The following DNM3 variants were observed in gnomAD, a reference collection of about 807,000 sequenced individuals.
DNM3 encodes the protein dynamin-3.
DNM3 carries 47 observed loss-of-function variants against 101.6 expected under a neutral mutation model. The ratio of observed to expected loss-of-function variants is 0.46; its 90% CI spans 0.37 to 0.59. DNM3 has a LOEUF of 0.59. Among genes scored for constraint, DNM3 ranks in the 20% least tolerant of loss-of-function variants. DNM3 has a pLI of 0.00. For synonymous variants in DNM3, 385 were observed against 387.9 expected (o/e 0.99, Z 0.09); for missense variants, 849 against 1,085.7 (o/e 0.78, Z 3.06).
intron 13 of DNM3, among the ~76,000 whole-genome samples, chr1:172,094,033 A>T (rs2054088917): frequency 6.6e-6 from 1 of 152,170 alleles, no homozygotes; most frequent in South Asian, 2.1e-4. Flanking sequence ...AAATAATTAA[A>T]ATCATTAATG....
rs909514547 is a variant in DNM3 at position 171,905,162 on chromosome 1, T to C, written c.162-16586T>C. Reference sequence around the variant, plus strand: ...GGAGCAGTTCATAGCTTTATGTGCGTACATTCATTCATATACACATGCATA... The same window carrying C: ...GGAGCAGTTCATAGCTTTATGTGCGCACATTCATTCATATACACATGCATA... On this transcript the variant is annotated intron_variant, in intron 1 of 20. Transcript: ENST00000627582. Among the ~76,000 whole-genome samples the C allele has an allele frequency of 2.0e-5, 3 of 152,238 alleles. No homozygotes were observed. In the East Asian group the frequency reaches 5.8e-4, roughly 29 times the overall value.
chr1:172,063,328 G>A (rs917547920), intron 10 of DNM3, among the ~76,000 whole-genome samples: 1 of 151,186 alleles, frequency 6.6e-6, no homozygotes, highest in Non-Finnish European at 1.5e-5. Flanking sequence ...CATTTTGGAA[G>A]TGTATAATTT....
intron 5 of DNM3, 110 bp downstream of exon 5, chr1:172,032,610 T>C: frequency 1.7e-6 from 1 of 595,820 alleles, no homozygotes; most frequent in Non-Finnish European, 2.8e-6. Context: ...TTTTAATGCC[T>C]TCTCAGTTGT....
chr1:172,184,004 CT>C (rs1333584717), intron 14 of DNM3, among the ~76,000 whole-genome samples: 1 of 151,380 alleles, frequency 6.6e-6, no homozygotes, highest in Non-Finnish European at 1.5e-5. Context: ...ATAGCAAAAT[CT>C]ATGTTCTTGG....
chr1:172,239,793 TTTTTCTC>T (rs1557866738), intron 14 of DNM3, among the ~76,000 whole-genome samples: 2 of 53,544 alleles, frequency 3.7e-5, no homozygotes, highest in Non-Finnish European at 7.8e-5. Flanking sequence ...CCTGTCTTTT[TTTTTCTC>T]TTTTTTTTTT....
intron 1 of DNM3, among the ~76,000 whole-genome samples, chr1:171,878,231 T>C (rs563351927): frequency 7.2e-5 from 11 of 152,260 alleles, no homozygotes; most frequent in Admixed American, 3.9e-4. Flanking sequence ...TAACACAGAT[T>C]GAAAAAAACC....
rs553003763 is a variant in DNM3, at chr1:172,029,661, C to T, written c.590-2741C>T. 5.9e-5 allele frequency among the ~76,000 whole-genome samples: 9 copies of T among 152,284 alleles called. No individual in the cohort carries two copies. In the East Asian group the frequency reaches 1.2e-3, roughly 20 times the overall value. ...TGATTATATATTTAGAAAACCCCAT[C>T]GTCTCAGCCTGAAATCTCCTTAAGC... On this transcript the variant is annotated intron_variant, in intron 4 of 20. Transcript: ENST00000627582.
chr1:171,915,302 A>G (rs1028879799), intron 1 of DNM3, among the ~76,000 whole-genome samples: 33 of 152,234 alleles, frequency 2.2e-4, no homozygotes, highest in Non-Finnish European at 1.5e-5. Flanking sequence ...TCTGGTAATG[A>G]TGTGATAGAA....
intron 2 of DNM3, among the ~76,000 whole-genome samples, chr1:171,927,509 T>C (rs2040671345): frequency 6.6e-6 from 1 of 152,222 alleles, no homozygotes; most frequent in African/African-American, 2.4e-5. Context: ...TTTGGTTTTC[T>C]GTTCCTGCGT....
chr1:172,218,049 T>A (rs1169049398), intron 14 of DNM3, among the ~76,000 whole-genome samples: 1 of 152,182 alleles, frequency 6.6e-6, no homozygotes, highest in Non-Finnish European at 1.5e-5. Flanking sequence ...AATCTGGTTA[T>A]CCGCTATTTA....
intron 16 of DNM3, among the ~76,000 whole-genome samples, chr1:172,321,678 G>C (rs190119977): frequency 7.9e-5 from 12 of 152,256 alleles, no homozygotes; most frequent in African/African-American, 2.9e-4. Flanking sequence ...CTGCCATCGA[G>C]TGGGGAAGCC....
chr1:172,158,529 G>C (rs1398213008), intron 14 of DNM3, among the ~76,000 whole-genome samples: 1 of 144,734 alleles, frequency 6.9e-6, no homozygotes, highest in African/African-American at 2.7e-5. Context: ...TGAGAAGAGA[G>C]GGAAACAAGG....
At chr1:172,153,188 C>T (rs757486536) in intron 14 of DNM3, among the ~76,000 whole-genome samples, 2 of 152,116 alleles carry the variant, frequency 1.3e-5, no homozygotes, top group Non-Finnish European at 2.9e-5. Flanking sequence ...AGAAAGATAC[C>T]TACCTCAGAG....
chr1:172,045,592 A>G (rs2049730305), intron 9 of DNM3, among the ~76,000 whole-genome samples: 2 of 152,216 alleles, frequency 1.3e-5, no homozygotes, highest in South Asian at 4.1e-4. Flanking sequence ...GAACACATTC[A>G]GTTCACAACA....
At chr1:171,947,343 C>T (rs1027966499) in intron 2 of DNM3, among the ~76,000 whole-genome samples, 1 of 151,962 alleles carries the variant, frequency 6.6e-6, no homozygotes, top group Non-Finnish European at 1.5e-5. Context: ...TGTTGTCTGC[C>T]GTGCTGTTCT....
chr1:172,371,968 GGTTA>G (rs1156646153), intron 17 of DNM3, among the ~76,000 whole-genome samples: 1 of 144,872 alleles, frequency 6.9e-6, no homozygotes, highest in African/African-American at 2.6e-5. Flanking sequence ...ACATTGTGCA[GGTTA>G]GTTACATACG....
At chr1:172,264,199 TC>T (rs2062774298) in intron 15 of DNM3, among the ~76,000 whole-genome samples, 2 of 152,206 alleles carry the variant, frequency 1.3e-5, no homozygotes, top group South Asian at 2.1e-4. Flanking sequence ...TGTTATTTAA[TC>T]TGTTGCTAGT....
rs34981346 is a variant in DNM3, at chr1:172,027,617, C to CACACACACACACACACACACAGAG, written c.590-4784_590-4783insCACACACACACACACACACAGAGA. Among the ~76,000 whole-genome samples the CACACACACACACACACACACAGAG allele has an allele frequency of 2.0e-3, 290 of 147,100 alleles. 3 individuals carry two copies. Among genetic ancestry groups the CACACACACACACACACACACAGAG allele is most frequent in the African/African-American group, 6.8e-3 (262 of 38,654 alleles). ...ACACACACACACACACACACACACACAGAGAGAGAGAAATTGGATACAGAG... is the reference window on the plus strand; with the variant it reads ...ACACACACACACACACACACACACACACACACACACACACACACACAGAGAGAGAGAGAGAAATTGGATACAGAG... On this transcript the variant is annotated intron_variant, in intron 4 of 20. Coordinates refer to ENST00000627582, the MANE Select transcript of DNM3 (RefSeq NM_015569.5).
At chr1:172,245,098 G>A (rs1052930321) in intron 14 of DNM3, among the ~76,000 whole-genome samples, 3 of 152,110 alleles carry the variant, frequency 2.0e-5, no homozygotes, top group African/African-American at 4.8e-5. Flanking sequence ...TGTTCATTCA[G>A]CAAGTGTTTG....
Sources: gnomAD v4.1 joint callset for allele counts (sites outside exome capture counted in the v4.1 genomes callset) on GRCh38, gnomAD v4.1.1 for gene constraint, MANE v1.5 for transcripts, NCBI Gene and HGNC (gene_info 2026-07-23, HGNC 2026-07-21) for gene names.